Variants in MEF2C observed in about 807,000 individuals in gnomAD.
MEF2C encodes the protein myocyte-specific enhancer factor 2C.
Under a neutral mutation model 50.5 loss-of-function variants are expected in MEF2C, and 6 were observed. The observed-to-expected ratio is 0.12, with a 90% CI of 0.07 to 0.23. The LOEUF (loss-of-function observed/expected upper bound fraction) is 0.23, where lower values mean the gene tolerates loss of function less well. MEF2C is among the 10% of genes least tolerant of loss of function. The pLI, the probability that MEF2C is intolerant of heterozygous loss-of-function variation, is 1.00. For synonymous variants in MEF2C, 183 were observed against 228.0 expected, an observed-to-expected ratio of 0.80 and a Z score of 1.78; for missense variants, 276 against 605.0, an observed-to-expected ratio of 0.46 and a Z score of 5.70.
At chr5:88,815,396 T>C (rs1422604446) in intron 2 of MEF2C, among the ~76,000 whole-genome samples, 2 of 152,080 alleles carry the variant, frequency 1.3e-5, no homozygotes, top group Non-Finnish European at 2.9e-5. Context: ...GTCTCCCTTA[T>C]AGTTTCCAAA....
chr5:88,770,356 T>C (rs1472015506), intron 3 of MEF2C, among the ~76,000 whole-genome samples: 1 of 152,228 alleles, frequency 6.6e-6, no homozygotes, highest in Non-Finnish European at 1.5e-5. Context: ...TCAAAATAAG[T>C]CAAATCATTA....
At chr5:88,750,840 G>A (rs1772394466) in intron 5 of MEF2C, among the ~76,000 whole-genome samples, 1 of 152,234 alleles carries the variant, frequency 6.6e-6, no homozygotes, top group African/African-American at 2.4e-5. Flanking sequence ...TTGTAAGGCA[G>A]ATATATAAGT....
intron 6 of MEF2C, chr5:88,743,461 C>A (rs961467020): frequency 1.0e-6 from 1 of 985,186 alleles, no homozygotes; most frequent in African/African-American, 1.7e-5. Context: ...CATTGTCTGA[C>A]CTTTCCTCTT....
At chr5:88,802,088 A>G (rs1798606065) in intron 3 of MEF2C, among the ~76,000 whole-genome samples, 2 of 152,224 alleles carry the variant, frequency 1.3e-5, no homozygotes, top group Non-Finnish European at 2.9e-5. Context: ...CAATCTCTAG[A>G]TTTGGCCCAA....
At chr5:88,863,227 T>A (rs1826081664) in intron 1 of MEF2C, among the ~76,000 whole-genome samples, 1 of 152,228 alleles carries the variant, frequency 6.6e-6, no homozygotes, top group Non-Finnish European at 1.5e-5. Context: ...CACATTACAT[T>A]TATAATTGCA....
At chr5:88,840,258 C>T (rs1243285064) in intron 1 of MEF2C, among the ~76,000 whole-genome samples, 1 of 152,158 alleles carries the variant, frequency 6.6e-6, no homozygotes, top group Non-Finnish European at 1.5e-5. Flanking sequence ...ACTTTATGTC[C>T]ACTCCTCTTG....
chr5:88,885,230 A>G (rs1485893507), upstream of MEF2C, among the ~76,000 whole-genome samples: 1 of 152,132 alleles, frequency 6.6e-6, no homozygotes, highest in Non-Finnish European at 1.5e-5. Flanking sequence ...TCCTGCTTCA[A>G]TGTAGGAGGT....
chr5:88,824,337 T>A, intron 1 of MEF2C: 1 of 985,068 alleles, frequency 1.0e-6, no homozygotes, highest in Non-Finnish European at 1.2e-6. Context: ...GGCAGCTAAT[T>A]CATTTCTGAA....
At chr5:88,730,185 T>C in intron 8 of MEF2C, 26 bp downstream of exon 8, 1 of 1,576,338 alleles carries the variant, frequency 6.3e-7, no homozygotes, top group Non-Finnish European at 8.6e-7. Context: ...CACATGCCAT[T>C]TGAGGGAAGC....
chr5:88,903,476 T>C (rs1402040128), intron 1 of MEF2C, among the ~76,000 whole-genome samples: 1 of 151,976 alleles, frequency 6.6e-6, no homozygotes, highest in Non-Finnish European at 1.5e-5. Flanking sequence ...ATGCACACAT[T>C]TTAAAAAACC....
At chr5:88,755,210 GAC>G (rs943558289) in intron 4 of MEF2C, among the ~76,000 whole-genome samples, 1 of 152,124 alleles carries the variant, frequency 6.6e-6, no homozygotes, top group Non-Finnish European at 1.5e-5. Context: ...ACACTCTACT[GAC>G]ACAAAAGTAA....
intron 6 of MEF2C, chr5:88,734,200 C>G: frequency 4.1e-6 from 4 of 985,148 alleles, no homozygotes; most frequent in Non-Finnish European, 4.8e-6. Context: ...ATAAGAACAT[C>G]AAGGTCAATT....
At chr5:88,773,303 C>T (rs1310120368) in intron 3 of MEF2C, among the ~76,000 whole-genome samples, 8 of 151,726 alleles carry the variant, frequency 5.3e-5, no homozygotes, top group African/African-American at 1.9e-4. Context: ...ATAGAGGGCA[C>T]TTATTAGGTT....
intron 2 of MEF2C, chr5:88,819,255 T>C (rs1331777131): frequency 6.2e-6 from 4 of 646,728 alleles, no homozygotes; most frequent in East Asian, 1.4e-4. Context: ...TTACACTAGA[T>C]GCATCATGAC....
chr5:88,866,336 G>A (rs1168080495), intron 1 of MEF2C, among the ~76,000 whole-genome samples: 1 of 152,220 alleles, frequency 6.6e-6, no homozygotes, highest in Non-Finnish European at 1.5e-5. Flanking sequence ...AATATGAACT[G>A]TGGAAATTTG....
At chr5:88,828,845 G>A (rs1811948941) in intron 1 of MEF2C, among the ~76,000 whole-genome samples, 1 of 151,868 alleles carries the variant, frequency 6.6e-6, no homozygotes, top group South Asian at 2.1e-4. Context: ...ATTGATGCTC[G>A]ACTGCGTGAT....
At chr5:88,757,557 G>A (rs939239760) in intron 4 of MEF2C, among the ~76,000 whole-genome samples, 5 of 151,886 alleles carry the variant, frequency 3.3e-5, no homozygotes, top group Non-Finnish European at 7.4e-5. Context: ...CTAACTTCTC[G>A]GTCCTTTTTC....
In MEF2C at chr5:88,735,800, G is replaced by C; in HGVS notation, c.638-3899C>G. On this transcript the variant is annotated intron_variant, in intron 6 of 10. Transcript: ENST00000504921. ...TTCAAAGAACATATTCCTGGCTTAAGATATTATGAGGAAGGCATTTTGCCT... is the reference window on the plus strand; with the variant it reads ...TTCAAAGAACATATTCCTGGCTTAACATATTATGAGGAAGGCATTTTGCCT... 18 of 985,352 alleles carry C rather than the reference G, an allele frequency of 1.8e-5. 1 individual carries two copies. The highest frequency in any genetic ancestry group is 2.0e-5 in the Non-Finnish European group (17 of 829,916). The allele number at this position is 985,352 out of a possible 1,614,324, so 61.0% of individuals were successfully genotyped here.
chr5:88,832,828 T>C (rs777490597), intron 1 of MEF2C, among the ~76,000 whole-genome samples: 1 of 152,164 alleles, frequency 6.6e-6, no homozygotes, highest in Non-Finnish European at 1.5e-5. Flanking sequence ...TGTATTTATA[T>C]ATATATGCTA....
Sources: gnomAD v4.1 joint callset for allele counts (sites outside exome capture counted in the v4.1 genomes callset) on GRCh38, gnomAD v4.1.1 for gene constraint, MANE v1.5 for transcripts, NCBI Gene and HGNC (gene_info 2026-07-23, HGNC 2026-07-21) for gene names.